OR2T11: variants seen among roughly 807,000 people sequenced by gnomAD.
OR2T11 encodes the protein olfactory receptor 2T11.
OR2T11 carries 14 observed loss-of-function variants against 13.5 expected under a neutral mutation model. That is an observed-to-expected ratio of 1.04 (90% CI 0.69 to 1.62). OR2T11 has a LOEUF of 1.62. OR2T11 is among the 40% of genes most tolerant of loss of function. OR2T11 has a pLI of 0.00. For missense variants in OR2T11, 410 were observed against 389.7 expected (o/e 1.05, Z -0.44); for synonymous variants, 163 against 154.6 (o/e 1.05, Z -0.40).
intron 1 of OR2T11, among the ~76,000 whole-genome samples, chr1:248,632,155 AAAAC>A (rs1178358705): frequency 6.9e-6 from 1 of 144,270 alleles, no homozygotes; most frequent in African/African-American, 2.7e-5. Flanking sequence ...AATTACATGA[AAAAC>A]AAATTCATTT....
In OR2T11 at chr1:248,626,567, C is replaced by A; in HGVS notation, c.562G>T (p.Asp188Tyr). ...IPAVLKLACA[D>Y]TSLYETLMYI... is the part of the protein sequence containing the mutation. ...ATCAGAGTTTCATACAAGGACGTGT[C>A]TGCACAGGCCAGTTTCAGAACTGCT... The change falls in exon 2 of 2, where the codon GAC becomes TAC. Residue 188 changes from aspartate to tyrosine, a missense_variant. Physicochemically the swap from Asp to Tyr is radical, Grantham distance 160. Transcript: ENST00000641193. The A allele has an allele frequency of 6.4e-7, 1 of 1,572,364 alleles. No homozygotes were observed. Among genetic ancestry groups the A allele is most frequent in the South Asian group, 1.1e-5 (1 of 88,914 alleles).
Position 248,626,128 on chromosome 1 carries a change from G to T in OR2T11, c.*50C>A. The T allele has an allele frequency of 9.8e-7, 1 of 1,024,764 alleles. No homozygotes were observed. The highest frequency in any genetic ancestry group is 1.4e-5 in the South Asian group (1 of 69,604). 63.5% of individuals were successfully genotyped at this position (1,024,764 alleles called of 1,614,324 possible). ...GAGCAGATCATCTCCAGGGAAACAG[G>T]GCAAATGGAGGAAGTCCTTAGGAAG... is the stretch of plus-strand genomic sequence containing the variant. On this transcript the variant is annotated 3_prime_UTR_variant, in exon 2 of 2. Coordinates refer to ENST00000641193, the MANE Select transcript of OR2T11 (RefSeq NM_001001964.2).
intron 1 of OR2T11, among the ~76,000 whole-genome samples, chr1:248,634,149 C>CTA (rs1210522115): frequency 7.0e-6 from 1 of 142,416 alleles, no homozygotes; most frequent in Non-Finnish European, 1.5e-5. Context: ...ACTAAGCCTT[C>CTA]TAAAGTGAAA....
chr1:248,633,706 C>CAT (rs10677899), intron 1 of OR2T11, among the ~76,000 whole-genome samples: 128,066 of 136,922 alleles, frequency 0.94, 61,623 homozygotes, highest in East Asian at 0.99. Context: ...CATCACTGGT[C>CAT]ATTTCAATTA....
chr1:248,630,414 G>A (rs1274817069), intron 1 of OR2T11, among the ~76,000 whole-genome samples: 1 of 62,996 alleles, frequency 1.6e-5, no homozygotes, highest in Non-Finnish European at 3.1e-5. Flanking sequence ...TAATTAAGAT[G>A]TCAGCATAAT....
chr1:248,632,463 T>TGG (rs1281050720), intron 1 of OR2T11, among the ~76,000 whole-genome samples: 1 of 136,156 alleles, frequency 7.3e-6, no homozygotes, highest in Non-Finnish European at 1.6e-5. Context: ...TCCCTAAAGT[T>TGG]GGGGGTTTGG....
rs780413150 is a variant in OR2T11 at position 248,626,777 on chromosome 1, C to T, written c.352G>A (p.Asp118Asn). The T allele has an allele frequency of 3.8e-6, 6 of 1,569,992 alleles. 1 individual carries two copies. The highest frequency in any genetic ancestry group is 1.5e-5 in the African/African-American group (1 of 65,838). Residue 118 changes from aspartate (D) to asparagine (N), a missense_variant, in exon 2 of 2, where the codon GAC becomes AAC. Coordinates refer to ENST00000641193, the MANE Select transcript of OR2T11 (RefSeq NM_001001964.2). ...GGGTTACAGACAGCCACGTAGCAGT[C>T]ATAGGCCATGAGGCCCAGGAGGAAG... ...EFFLLGLMAY[D>N]CYVAVCNPLR...
chr1:248,630,094 G>A (rs1660583782), intron 1 of OR2T11, among the ~76,000 whole-genome samples: 2 of 82,416 alleles, frequency 2.4e-5, no homozygotes, highest in Admixed American at 1.5e-4. Context: ...AACACATTCA[G>A]CTAGCAAAAA....
chr1:248,626,569 G>A lies in OR2T11; in HGVS notation c.560C>T (p.Ala187Val). Residue 187 changes from alanine (A) to valine (V), a missense_variant, in exon 2 of 2, where the codon GCA (alanine) becomes GTA (valine). Coordinates refer to ENST00000641193, the MANE Select transcript of OR2T11 (RefSeq NM_001001964.2). The part of the protein sequence containing the change: ...EIPAVLKLAC[A>V]DTSLYETLMY... Reference sequence around the variant, plus strand: ...CAGAGTTTCATACAAGGACGTGTCTGCACAGGCCAGTTTCAGAACTGCTGG... The same window carrying A: ...CAGAGTTTCATACAAGGACGTGTCTACACAGGCCAGTTTCAGAACTGCTGG... 1 of 1,572,138 alleles carries A rather than the reference G, an allele frequency of 6.4e-7. No homozygotes were observed. The highest frequency in any genetic ancestry group is 1.1e-5 in the South Asian group (1 of 88,918).
chr1:248,629,478 G>T (rs76657904), intron 1 of OR2T11, among the ~76,000 whole-genome samples: 1 of 140,954 alleles, frequency 7.1e-6, no homozygotes, highest in South Asian at 2.2e-4. Flanking sequence ...TAGGTGCCTG[G>T]CTTAATCCAT....
chr1:248,631,919 CCCTGTACGTACTATT>C (rs1660620735), intron 1 of OR2T11, among the ~76,000 whole-genome samples: 2 of 143,510 alleles, frequency 1.4e-5, no homozygotes, highest in Non-Finnish European at 3.0e-5. Context: ...CAACATGAAG[CCCTGTACGTACTATT>C]CCCTGTTGGG....
chr1:248,631,203 A>G (rs1481949672), intron 1 of OR2T11, among the ~76,000 whole-genome samples: 1 of 143,702 alleles, frequency 7.0e-6, no homozygotes, highest in African/African-American at 2.7e-5. Context: ...CCACAGCCAT[A>G]GGGAGCTTCT....
chr1:248,626,781 G>T lies in OR2T11; in HGVS notation c.348C>A (p.Ala116=). ...TACAGACAGCCACGTAGCAGTCATA[G>T]GCCATGAGGCCCAGGAGGAAGAACT... is the stretch of plus-strand genomic sequence containing the variant. ...GSEFFLLGLM[A]YDCYVAVCNP... The change falls in exon 2 of 2, where the codon GCC becomes GCA. Residue 116 remains alanine, a synonymous_variant. Coordinates refer to ENST00000641193, the MANE Select transcript of OR2T11 (RefSeq NM_001001964.2). 1.3e-6 allele frequency: 2 copies of T among 1,569,580 alleles called. No individual in the cohort carries two copies. The highest frequency in any genetic ancestry group is 1.7e-6 in the Non-Finnish European group (2 of 1,154,568).
rs1248433335 is a variant in OR2T11 at position 248,633,477 on chromosome 1, C to G, written c.-145+1561G>C. On this transcript the variant is annotated intron_variant, in intron 1 of 1. Transcript: ENST00000641193. ...GATTTTTACAATCTTTCAAATTACA[C>G]AAAGCCATTATTTGCAAGCATCCCT... 1.6e-4 allele frequency among the ~76,000 whole-genome samples: 2 copies of G among 12,828 alleles called. 1 individual carries two copies. The highest frequency in any genetic ancestry group is 1.8e-3 in the Non-Finnish European group (2 of 1,104). 8.4% of individuals were successfully genotyped at this position (12,828 alleles called of 152,430 possible).
chr1:248,628,043 G>A (rs1237631673), intron 1 of OR2T11, among the ~76,000 whole-genome samples: 1 of 143,514 alleles, frequency 7.0e-6, no homozygotes, highest in Non-Finnish European at 1.5e-5. Context: ...TTTGGGAAAT[G>A]GGCAGGGAAA....
rs1660542351 is a variant in OR2T11 at position 248,627,509 on chromosome 1, T to G, written c.-144-237A>C. On this transcript the variant is annotated intron_variant, in intron 1 of 1. Transcript: ENST00000641193. ...AAAGTTATCCAGCCCATAGTAGGGT[T>G]AAGTAAATACTAGTTGGAAAAAAGG... 2.8e-5 allele frequency among the ~76,000 whole-genome samples: 4 copies of G among 143,256 alleles called. 1 individual carries two copies. The highest frequency in any genetic ancestry group is 2.0e-4 in the Admixed American group (3 of 14,732). The allele number at this position is 143,256 out of a possible 152,430, so 94.0% of individuals were successfully genotyped here.
chr1:248,632,681 A>G (rs1660630396), intron 1 of OR2T11, among the ~76,000 whole-genome samples: 1 of 77,558 alleles, frequency 1.3e-5, no homozygotes. Context: ...CATGAAAACA[A>G]CTCATCCCTC....
intron 1 of OR2T11, among the ~76,000 whole-genome samples, chr1:248,632,603 G>A (rs1660629684): frequency 2.3e-5 from 3 of 129,380 alleles, no homozygotes; most frequent in Admixed American, 1.5e-4. Context: ...AAACATCTTT[G>A]GAAAATTAAC....
rs1459942265 is a variant in OR2T11, at chr1:248,633,549, C to T, written c.-145+1489G>A. On this transcript the variant is annotated intron_variant, in intron 1 of 1. Transcript: ENST00000641193. ...ATCCTTTCTCCCTTTCAAGTAGTTT[C>T]CCCAGTTTATACAGGGAGACAGAAA... Among the ~76,000 whole-genome samples the T allele has an allele frequency of 2.9e-5, 4 of 139,662 alleles. 1 individual carries two copies. The highest frequency in any genetic ancestry group is 2.8e-4 in the Admixed American group (4 of 14,330). 91.6% of individuals were successfully genotyped at this position (139,662 alleles called of 152,430 possible). A position where few individuals can be genotyped will look rare whatever the true frequency, so the allele number is the denominator to read the frequency against.
Sources: gnomAD v4.1 joint callset for allele counts (sites outside exome capture counted in the v4.1 genomes callset) on GRCh38, gnomAD v4.1.1 for gene constraint, MANE v1.5 for transcripts, NCBI Gene and HGNC (gene_info 2026-07-23, HGNC 2026-07-21) for gene names.